The following OLFM1 variants were observed in gnomAD, a reference collection of about 807,000 sequenced individuals.
OLFM1 encodes olfactomedin 1, also known as noelin.
OLFM1 carries 9 observed loss-of-function variants against 49.7 expected under a neutral mutation model. The ratio of observed to expected loss-of-function variants is 0.18; its 90% CI spans 0.11 to 0.32. The LOEUF is 0.32. Among genes scored for constraint, OLFM1 ranks in the 10% least tolerant of loss-of-function variants. The probability of loss-of-function intolerance (pLI) is 1.00; values close to 1 mark genes in which losing one functional copy is unlikely to be tolerated. For synonymous variants in OLFM1, 240 were observed against 271.8 expected, an observed-to-expected ratio of 0.88 and a Z score of 1.15; for missense variants, 369 against 661.8, an observed-to-expected ratio of 0.56 and a Z score of 4.85.
At chr9:135,092,993 G>A (rs112931349) in intron 2 of OLFM1, among the ~76,000 whole-genome samples, 8 of 152,254 alleles carry the variant, frequency 5.3e-5, no homozygotes, top group African/African-American at 1.7e-4. Context: ...AGCAGGACAG[G>A]GTGCTCCAGA....
exon 1 of OLFM1, chr9:135,075,679 G>T (rs775041074): frequency 6.5e-7 from 1 of 1,534,596 alleles, no homozygotes; most frequent in Admixed American, 1.9e-5. Flanking sequence ...CCACGCAGCC[G>T]CCGGCCGGCC....
intron 1 of OLFM1, among the ~76,000 whole-genome samples, chr9:135,077,689 C>G (rs1464406387): frequency 6.6e-6 from 1 of 152,220 alleles, no homozygotes; most frequent in Non-Finnish European, 1.5e-5. Context: ...CTCTCTGAAG[C>G]TGAACCACAG....
intron 1 of OLFM1, among the ~76,000 whole-genome samples, chr9:135,079,269 G>A (rs1049087140): frequency 5.3e-5 from 8 of 152,162 alleles, no homozygotes; most frequent in African/African-American, 1.9e-4. Context: ...GGAGAAGGAG[G>A]ATATTTGATC....
rs1018586859 is a variant in OLFM1 at position 135,088,461 on chromosome 9, G to GC, written c.150+328dup. ...TGGAGTCCTGGGTCAGTAATCATGAGCCCCCCATTGAAAAGGTTAGGAAAC... is the reference window on the plus strand; with the variant it reads ...TGGAGTCCTGGGTCAGTAATCATGAGCCCCCCCATTGAAAAGGTTAGGAAAC... On this transcript the variant is annotated intron_variant, in intron 1 of 5. Transcript: ENST00000371793. This position sits in a 1 kb window ranked among gnomAD's most constrained non-coding sequence, Gnocchi z 4.8. Among the ~76,000 whole-genome samples, 6 of 152,060 alleles carry GC rather than the reference G, an allele frequency of 3.9e-5. No homozygotes were observed. The highest frequency in any genetic ancestry group is 5.9e-5 in the Non-Finnish European group (4 of 67,984).
At chr9:135,087,411 G>A (rs1272242654), upstream of OLFM1, 4 of 1,546,064 alleles carry the variant, frequency 2.6e-6, no homozygotes, top group Admixed American at 7.9e-5. Context: ...CGCGGGCCGT[G>A]CCCCCAGCTG....
At position 135,120,853 on chromosome 9, in the gene OLFM1, A is replaced by T. The variant is rs1457152242; in HGVS notation, c.*675A>T. On this transcript the variant is annotated 3_prime_UTR_variant, in exon 6 of 6. Coordinates refer to ENST00000371793, the MANE Select transcript of OLFM1 (RefSeq NM_001282611.2). ...TAACTTCGTATGTTCAGTTTATGCGATGATTGTTGTAAATGCAATGCCGTA... is the reference window on the plus strand; with the variant it reads ...TAACTTCGTATGTTCAGTTTATGCGTTGATTGTTGTAAATGCAATGCCGTA... The T allele has an allele frequency of 2.0e-5, 3 of 152,622 alleles. No individual in the cohort carries two copies. The highest frequency in any genetic ancestry group is 4.4e-5 in the Non-Finnish European group (3 of 68,104). 9.5% of individuals were successfully genotyped at this position (152,622 alleles called of 1,614,324 possible).
chr9:135,079,113 C>T (rs979719795), intron 1 of OLFM1, among the ~76,000 whole-genome samples: 2 of 152,222 alleles, frequency 1.3e-5, no homozygotes, highest in African/African-American at 4.8e-5. Context: ...ACCCTTGCCG[C>T]TTGGCACCTG....
intron 5 of OLFM1, among the ~76,000 whole-genome samples, chr9:135,116,540 C>T (rs1030227274): frequency 2.6e-4 from 39 of 152,172 alleles, no homozygotes; most frequent in Non-Finnish European, 2.8e-4. Flanking sequence ...CCTGGGTCCC[C>T]GCGATCAAGG....
chr9:135,082,912 G>A (rs1473146589), upstream of OLFM1, among the ~76,000 whole-genome samples: 1 of 152,156 alleles, frequency 6.6e-6, no homozygotes, highest in Non-Finnish European at 1.5e-5. Context: ...GCAGAGGCCG[G>A]GTGTCGTCTG....
At chr9:135,107,773 G>A (rs1200406988) in intron 5 of OLFM1, among the ~76,000 whole-genome samples, 4 of 152,220 alleles carry the variant, frequency 2.6e-5, no homozygotes, top group South Asian at 2.1e-4. Flanking sequence ...GCCCTGGGCC[G>A]ACTGAGAAAG....
At chr9:135,104,490 G>T (rs13295078) in intron 4 of OLFM1, among the ~76,000 whole-genome samples, 1 of 152,238 alleles carries the variant, frequency 6.6e-6, no homozygotes, top group African/African-American at 2.4e-5. Context: ...AAGGCCCGGC[G>T]TGTTGACTGA....
chr9:135,078,987 C>T (rs1173015940), intron 1 of OLFM1, among the ~76,000 whole-genome samples: 1 of 152,190 alleles, frequency 6.6e-6, no homozygotes, highest in Non-Finnish European at 1.5e-5. Flanking sequence ...CTACAGACCC[C>T]CAACCCCATT....
At chr9:135,083,975 C>T (rs377140795), upstream of OLFM1, among the ~76,000 whole-genome samples, 252 of 152,322 alleles carry the variant, frequency 1.7e-3, 2 homozygotes, top group African/African-American at 5.4e-3. Flanking sequence ...CACAGGGAGC[C>T]GGGCCAGGAT....
intron 2 of OLFM1, among the ~76,000 whole-genome samples, chr9:135,091,619 A>G: frequency 7.1e-6 from 1 of 140,098 alleles, no homozygotes; most frequent in Admixed American, 7.0e-5. Flanking sequence ...TCACACAGTC[A>G]CACACACTCA....
At chr9:135,091,897 T>TCACACA (rs56288353) in intron 2 of OLFM1, among the ~76,000 whole-genome samples, 2,207 of 147,176 alleles carry the variant, frequency 0.015, 48 homozygotes, top group African/African-American at 0.044. Flanking sequence ...TCACACATAG[T>TCACACA]CACACACACA....
intron 5 of OLFM1, among the ~76,000 whole-genome samples, chr9:135,111,923 G>C (rs1278146503): frequency 6.6e-6 from 1 of 152,082 alleles, no homozygotes; most frequent in African/African-American, 2.4e-5. Flanking sequence ...CACCACATTG[G>C]CCAGGATGAT....
chr9:135,096,328 C>T (rs1830798133), intron 3 of OLFM1, among the ~76,000 whole-genome samples: 1 of 151,138 alleles, frequency 6.6e-6, no homozygotes, highest in Admixed American at 6.6e-5. Flanking sequence ...TCCTTCTTCT[C>T]CTCCTCTTCC....
chr9:135,091,722 C>CACAGTCACACTCACACATAGTCACAG (rs1830707741), intron 2 of OLFM1, among the ~76,000 whole-genome samples: 1 of 130,376 alleles, frequency 7.7e-6, no homozygotes, highest in Non-Finnish European at 1.7e-5. Context: ...CATAGTCACA[C>CACAGTCACACTCACACATAGTCACAG]ACTCATAGTC....
At chr9:135,091,570 CA>C (rs1830691082) in intron 2 of OLFM1, among the ~76,000 whole-genome samples, 1 of 150,356 alleles carries the variant, frequency 6.7e-6, no homozygotes, top group Non-Finnish European at 1.5e-5. Context: ...GTCACACACA[CA>C]CACAGTCACA....
Sources: gnomAD v4.1 joint callset for allele counts (sites outside exome capture counted in the v4.1 genomes callset) on GRCh38, gnomAD v4.1.1 for gene constraint, Gnocchi (gnomAD v3.1) non-coding constraint, MANE v1.5 for transcripts, NCBI Gene and HGNC (gene_info 2026-07-23, HGNC 2026-07-21) for gene names.